ALDH3B2: variants seen among roughly 807,000 people sequenced by gnomAD.
The protein encoded by ALDH3B2 is aldehyde dehydrogenase family 3 member B2.
A neutral mutation model predicts 36.7 loss-of-function variants in ALDH3B2; 45 were observed. The observed-to-expected ratio is 1.23, with a 90% CI of 0.97 to 1.57. ALDH3B2 has a LOEUF of 1.57. ALDH3B2 is among the 40% of genes most tolerant of loss of function. ALDH3B2 has a pLI of 0.00. For synonymous variants in ALDH3B2, 217 were observed against 226.5 expected (o/e 0.96, Z 0.38); for missense variants, 464 against 513.3 (o/e 0.90, Z 0.93).
intron 1 of ALDH3B2, among the ~76,000 whole-genome samples, chr11:67,669,649 T>G (rs914898075): frequency 6.6e-6 from 1 of 151,048 alleles, no homozygotes; most frequent in Non-Finnish European, 1.5e-5. Context: ...TGTGTCCATG[T>G]GTGTCTATGT....
chr11:67,678,818 A>G (rs920688991), upstream of ALDH3B2, among the ~76,000 whole-genome samples: 228 of 151,722 alleles, frequency 1.5e-3, 2 homozygotes, highest in Non-Finnish European at 2.1e-3. Context: ...TGGTATATAT[A>G]TATATATGTT....
At chr11:67,667,065 G>A in intron 2 of ALDH3B2, 49 bp from the exon 3 acceptor site, 2 of 1,108,056 alleles carry the variant, frequency 1.8e-6, no homozygotes, top group Non-Finnish European at 2.7e-6. Context: ...CCTGGGCCAG[G>A]AGGGGTCTAG....
intron 1 of ALDH3B2, among the ~76,000 whole-genome samples, chr11:67,672,287 C>A (rs535950198): frequency 6.7e-6 from 1 of 148,580 alleles, no homozygotes; most frequent in Admixed American, 6.7e-5. Context: ...AGCTGAATAG[C>A]TGGGATTATA....
chr11:67,666,505 G>T (rs1299373523), intron 4 of ALDH3B2, 69 bp downstream of exon 4: 1 of 1,608,350 alleles, frequency 6.2e-7, no homozygotes, highest in Admixed American at 1.7e-5. Flanking sequence ...CTCAGAGCAA[G>T]ATTCCAGGGG....
At position 67,672,182 on chromosome 11, in the gene ALDH3B2, T is replaced by C. The variant is rs191897878; in HGVS notation, c.-245+2255A>G. Among the ~76,000 whole-genome samples, 115 of 147,334 alleles carry C rather than the reference T, an allele frequency of 7.8e-4. No individual in the cohort carries two copies. The East Asian group carries it at 0.021, about 26-fold the overall frequency. ...TTTTTTTTGAGACAGACTTTCTCTC[T>C]TGTTGCCCAGGCCAGAGTGCAGTGG... On this transcript the variant is annotated intron_variant, in intron 1 of 9. Coordinates refer to ENST00000349015, the Ensembl canonical transcript of ALDH3B2.
At chr11:67,670,343 G>C (rs1490065807) in intron 1 of ALDH3B2, among the ~76,000 whole-genome samples, 1 of 151,358 alleles carries the variant, frequency 6.6e-6, no homozygotes, top group Non-Finnish European at 1.5e-5. Context: ...TGTGTGTATG[G>C]GTGTCTGTGT....
At chr11:67,676,262 T>G (rs1856268944), upstream of ALDH3B2, among the ~76,000 whole-genome samples, 1 of 152,078 alleles carries the variant, frequency 6.6e-6, no homozygotes, top group Non-Finnish European at 1.5e-5. Flanking sequence ...GGCATGTTCT[T>G]AGACCACGGT....
rs1345835945 is a variant in ALDH3B2 at position 67,666,035 on chromosome 11, C to T, written c.319+87G>A. On this transcript the variant is annotated intron_variant, in intron 6 of 9. Coordinates refer to ENST00000349015, the Ensembl canonical transcript of ALDH3B2. ...GCTCCCCACGTGCCCCCACTGCTGGCCCCAGCCTCCTCCCTCCACAACCCT... is the reference window on the plus strand; with the variant it reads ...GCTCCCCACGTGCCCCCACTGCTGGTCCCAGCCTCCTCCCTCCACAACCCT... 2.0e-6 allele frequency: 3 copies of T among 1,515,236 alleles called. No individual in the cohort carries two copies. The South Asian group carries it at 3.5e-5, about 18-fold the overall frequency. 93.9% of individuals were successfully genotyped at this position (1,515,236 alleles called of 1,614,324 possible).
At chr11:67,665,334 G>A (rs141364277) in exon 7 of ALDH3B2, 155 of 1,611,672 alleles carry the variant, frequency 9.6e-5, no homozygotes, top group Middle Eastern at 1.6e-4. Flanking sequence ...CCACGCGGCT[G>A]CAGCCCAGCA....
chr11:67,664,001 C>T (rs557873755), intron 8 of ALDH3B2, among the ~76,000 whole-genome samples: 10 of 152,162 alleles, frequency 6.6e-5, no homozygotes, highest in East Asian at 3.9e-4. Context: ...CATGGGGAGC[C>T]GGCAGCCTTG....
At chr11:67,667,679 T>C in intron 1 of ALDH3B2, 44 bp from the exon 2 acceptor site, 1 of 298,512 alleles carries the variant, frequency 3.3e-6, no homozygotes, top group Non-Finnish European at 5.8e-6. Context: ...GGGCTGCCCC[T>C]CCTTCACGGG....
rs200921334 is a variant in ALDH3B2 at position 67,663,764 on chromosome 11, G to A, written c.874-3C>T. 3.4e-5 allele frequency: 54 copies of A among 1,608,668 alleles called. No individual in the cohort carries two copies. The South Asian group carries it at 5.2e-4, about 15-fold the overall frequency. ...CGCTCCAGCATCTGGTTCACAACCT[G>A]CCAGGGAGTGAGAAGGTGGGTGTTG... On this transcript the variant is annotated splice_polypyrimidine_tract_variant and splice_region_variant and intron_variant, in intron 8 of 9. Coordinates refer to ENST00000349015, the Ensembl canonical transcript of ALDH3B2.
chr11:67,676,091 C>CA (rs1160321783), upstream of ALDH3B2, among the ~76,000 whole-genome samples: 1 of 151,934 alleles, frequency 6.6e-6, no homozygotes, highest in Non-Finnish European at 1.5e-5. Flanking sequence ...ACTAAAAATA[C>CA]AAAAAATTAG....
At chr11:67,679,718 C>T (rs1285471917), upstream of ALDH3B2, among the ~76,000 whole-genome samples, 2 of 151,060 alleles carry the variant, frequency 1.3e-5, no homozygotes, top group South Asian at 2.1e-4. Context: ...AAAGTAAGAA[C>T]CTTTAAGTTA....
At chr11:67,671,177 C>T (rs914639375) in intron 1 of ALDH3B2, 15 of 152,408 alleles carry the variant, frequency 9.8e-5, no homozygotes, top group African/African-American at 3.6e-4. Flanking sequence ...GATGTTCATC[C>T]CAGGAACCTG....
chr11:67,673,735 C>A (rs1212724167), intron 1 of ALDH3B2: 1 of 152,170 alleles, frequency 6.6e-6, no homozygotes, highest in African/African-American at 2.4e-5. Flanking sequence ...TATTATTACC[C>A]AGTTGGAAGG....
In ALDH3B2 at chr11:67,673,508, C is replaced by T. The variant is rs549765525; in HGVS notation, c.-245+929G>A. Reference sequence around the variant, plus strand: ...GAGGGCCTCTTGGAGGGCAGGTGATCTGGACAGAGGGACCAACGTGTGCAA... The same window carrying T: ...GAGGGCCTCTTGGAGGGCAGGTGATTTGGACAGAGGGACCAACGTGTGCAA... On this transcript the variant is annotated intron_variant, in intron 1 of 9. Coordinates refer to ENST00000349015, the Ensembl canonical transcript of ALDH3B2. Among the ~76,000 whole-genome samples, 4 of 152,336 alleles carry T rather than the reference C, an allele frequency of 2.6e-5. No homozygotes were observed. The East Asian group carries it at 7.7e-4, about 29-fold the overall frequency.
intron 6 of ALDH3B2, 152 bp from the exon 7 acceptor site, chr11:67,665,823 C>A: frequency 8.0e-7 from 1 of 1,251,182 alleles, no homozygotes; most frequent in Non-Finnish European, 1.1e-6. Flanking sequence ...TGGCCTTGAC[C>A]ACACACTCCA....
chr11:67,673,467 C>T (rs1047837099), intron 1 of ALDH3B2, among the ~76,000 whole-genome samples: 7 of 152,292 alleles, frequency 4.6e-5, no homozygotes, highest in South Asian at 2.1e-4. Flanking sequence ...CTGACTGCTG[C>T]GGGGAAGCCG....
Sources: gnomAD v4.1 joint callset for allele counts (sites outside exome capture counted in the v4.1 genomes callset) on GRCh38, gnomAD v4.1.1 for gene constraint, MANE v1.5 for transcripts, NCBI Gene and HGNC (gene_info 2026-07-23, HGNC 2026-07-21) for gene names.